Variants in MRTFA observed in about 807,000 individuals in gnomAD.
The protein encoded by MRTFA is myocardin-related transcription factor A.
A neutral mutation model predicts 83.5 loss-of-function variants in MRTFA; 20 were observed. The ratio of observed to expected loss-of-function variants is 0.24; its 90% confidence interval spans 0.17 to 0.35. The LOEUF (loss-of-function observed/expected upper bound fraction) is 0.35. Ranked by LOEUF, MRTFA falls within the 10% of genes least tolerant of loss-of-function variation. The pLI is 1.00. For synonymous variants in MRTFA, 659 were observed against 541.2 expected, an observed-to-expected ratio of 1.22 and a Z score of -3.02; for missense variants, 1,200 against 1,224.7, an observed-to-expected ratio of 0.98 and a Z score of 0.30.
chr22:40,473,341 T>C (rs1382517473), intron 3 of MRTFA, among the ~76,000 whole-genome samples: 1 of 152,140 alleles, frequency 6.6e-6, no homozygotes, highest in East Asian at 1.9e-4. Context: ...TAAATTTTTT[T>C]GTAGAGATGA....
Position 40,418,694 on chromosome 22 carries a change from A to T in MRTFA, c.2044T>A (p.Ser682Thr). Reference sequence around the variant, plus strand: ...GGCTGCTGGCTCAGCTGGCAGCTGGAGAAGCTGTTCTCCTGCTTCACGGGG... The same window carrying T: ...GGCTGCTGGCTCAGCTGGCAGCTGGTGAAGCTGTTCTCCTGCTTCACGGGG... The change falls in exon 12 of 15, where the codon TCC becomes ACC. Residue 682 changes from serine to threonine, a missense_variant. Coordinates refer to ENST00000355630, the MANE Select transcript of MRTFA (RefSeq NM_020831.6). 1 of 1,219,478 alleles carries T rather than the reference A, an allele frequency of 8.2e-7. No homozygotes were observed. Among genetic ancestry groups the T allele is most frequent in the East Asian group, 5.4e-5 (1 of 18,656 alleles). The allele number at this position is 1,219,478 out of a possible 1,614,324, so 75.5% of individuals were successfully genotyped here. A position where few individuals can be genotyped will look rare whatever the true frequency, so the allele number is the denominator to read the frequency against.
chr22:40,422,547 GGGA>G (rs1261962366), intron 9 of MRTFA, among the ~76,000 whole-genome samples: 1 of 152,256 alleles, frequency 6.6e-6, no homozygotes, highest in Non-Finnish European at 1.5e-5. Context: ...GGGGTAGGCT[GGGA>G]GGAGAGGCCA....
At chr22:40,551,665 G>A (rs752950081) in intron 3 of MRTFA, among the ~76,000 whole-genome samples, 1 of 152,050 alleles carries the variant, frequency 6.6e-6, no homozygotes, top group Non-Finnish European at 1.5e-5. Context: ...CACTACACCC[G>A]GCAAGACATT....
chr22:40,568,738 A>G (rs1178338097), intron 2 of MRTFA, among the ~76,000 whole-genome samples: 1 of 152,240 alleles, frequency 6.6e-6, no homozygotes, highest in African/African-American at 2.4e-5. Context: ...CACACATTAC[A>G]ACTACATCTA....
intron 3 of MRTFA, among the ~76,000 whole-genome samples, chr22:40,472,341 C>T (rs1247192447): frequency 2.0e-5 from 3 of 152,192 alleles, no homozygotes; most frequent in Admixed American, 6.5e-5. Context: ...CACCCATGTT[C>T]GTGATGCCAA....
intron 1 of MRTFA, among the ~76,000 whole-genome samples, chr22:40,616,669 A>G (rs1415108413): frequency 6.6e-6 from 1 of 152,198 alleles, no homozygotes; most frequent in East Asian, 1.9e-4. Flanking sequence ...CACAAGTGCC[A>G]TTTACAGAAA....
At chr22:40,535,762 G>T (rs1326186103) in intron 3 of MRTFA, among the ~76,000 whole-genome samples, 1 of 152,158 alleles carries the variant, frequency 6.6e-6, no homozygotes, top group African/African-American at 2.4e-5. Flanking sequence ...TTCCTGCACA[G>T]AAGATGGTAG....
chr22:40,518,712 G>A (rs915294589), intron 3 of MRTFA, among the ~76,000 whole-genome samples: 2 of 146,830 alleles, frequency 1.4e-5, no homozygotes, highest in African/African-American at 2.5e-5. Context: ...GGAGAATGGC[G>A]TGAACCCAGG....
rs1189933906 is a variant in MRTFA, at chr22:40,498,273, A to ATT, written c.242-34989_242-34988dup. Among the ~76,000 whole-genome samples the ATT allele has an allele frequency of 6.0e-3, 247 of 40,988 alleles. 9 individuals carry two copies. Among genetic ancestry groups the ATT allele is most frequent in the East Asian group, 0.012 (13 of 1,068 alleles). The allele number at this position is 40,988 out of a possible 152,430, so 26.9% of individuals were successfully genotyped here. ...ACTTCATATATATATATATATATAT[A>ATT]TTTTTTTTTTTTTTTTTTTTTTTTT... is the stretch of plus-strand genomic sequence containing the variant. On this transcript the variant is annotated intron_variant, in intron 3 of 14. Coordinates refer to ENST00000355630, the MANE Select transcript of MRTFA (RefSeq NM_020831.6).
chr22:40,625,805 A>G (rs1429462764), intron 1 of MRTFA, among the ~76,000 whole-genome samples: 2 of 151,890 alleles, frequency 1.3e-5, no homozygotes, highest in Non-Finnish European at 2.9e-5. Context: ...AATAAATAAC[A>G]CAGAATAAGT....
intron 3 of MRTFA, among the ~76,000 whole-genome samples, chr22:40,539,745 G>A (rs545813009): frequency 7.3e-5 from 11 of 151,656 alleles, no homozygotes; most frequent in African/African-American, 2.2e-4. Context: ...CTCGTGATCC[G>A]CCTGCCTCGG....
At chr22:40,454,480 T>G (rs2053548933) in intron 4 of MRTFA, among the ~76,000 whole-genome samples, 1 of 152,194 alleles carries the variant, frequency 6.6e-6, no homozygotes, top group Non-Finnish European at 1.5e-5. Context: ...GTGTGTATAT[T>G]AAAGCTGCTT....
At chr22:40,622,081 T>A (rs916943469) in intron 1 of MRTFA, among the ~76,000 whole-genome samples, 2 of 152,158 alleles carry the variant, frequency 1.3e-5, no homozygotes, top group Non-Finnish European at 2.9e-5. Context: ...GAGACTATGA[T>A]AGGCTGAAAA....
chr22:40,631,187 T>C (rs1483335771), intron 1 of MRTFA, among the ~76,000 whole-genome samples: 5 of 152,122 alleles, frequency 3.3e-5, no homozygotes, highest in African/African-American at 9.7e-5. Flanking sequence ...CATAGAAAAA[T>C]TGATGGTGAA....
intron 3 of MRTFA, among the ~76,000 whole-genome samples, chr22:40,479,561 T>C (rs750105632): frequency 3.3e-5 from 5 of 152,126 alleles, no homozygotes; most frequent in African/African-American, 7.2e-5. Flanking sequence ...TTTAGAAAAA[T>C]TGATGAATCA....
rs1169180826 is a variant in MRTFA at position 40,411,831 on chromosome 22, G to A, written c.2655C>T (p.Ser885=). The change falls in exon 15 of 15, where the codon TCC becomes TCT. Residue 885 remains serine, a synonymous_variant. Coordinates refer to ENST00000355630, the MANE Select transcript of MRTFA (RefSeq NM_020831.6). ...AAGGTGATGGCTGTGCTGCCAGGGG[G>A]GACCCACAGACTGTCTTCGGGGATG... 6.6e-7 allele frequency: 1 copy of A among 1,512,280 alleles called. No individual in the cohort carries two copies. Among genetic ancestry groups the A allele is most frequent in the Non-Finnish European group, 8.9e-7 (1 of 1,127,468 alleles). The allele number at this position is 1,512,280 out of a possible 1,614,324, so 93.7% of individuals were successfully genotyped here.
chr22:40,453,523 TCA>T (rs2053532402), intron 4 of MRTFA, among the ~76,000 whole-genome samples: 1 of 152,102 alleles, frequency 6.6e-6, no homozygotes, highest in Non-Finnish European at 1.5e-5. Flanking sequence ...TGAGAGATGA[TCA>T]CACAGAGCTT....
chr22:40,630,083 C>T lies in MRTFA; in HGVS notation c.-84+6395G>A, dbSNP rs546342058. ...ATCCTAGCGCTTTGGGAGGCCAAGG[C>T]AGGCGGATCACCTGAGGTCAGGAGT... On this transcript the variant is annotated intron_variant, in intron 1 of 14. Coordinates refer to ENST00000355630, the MANE Select transcript of MRTFA (RefSeq NM_020831.6). Among the ~76,000 whole-genome samples, 5 of 152,140 alleles carry T rather than the reference C, an allele frequency of 3.3e-5. No individual in the cohort carries two copies. The East Asian group carries it at 9.7e-4, about 29-fold the overall frequency.
chr22:40,498,460 T>C (rs1166048365), intron 3 of MRTFA, among the ~76,000 whole-genome samples: 2 of 149,806 alleles, frequency 1.3e-5, no homozygotes, highest in South Asian at 2.1e-4. Flanking sequence ...ATTTTTGCAT[T>C]TTTTTGTAGA....
Sources: gnomAD v4.1 joint callset for allele counts (sites outside exome capture counted in the v4.1 genomes callset) on GRCh38, gnomAD v4.1.1 for gene constraint, MANE v1.5 for transcripts, NCBI Gene and HGNC (gene_info 2026-07-23, HGNC 2026-07-21) for gene names.